Variants in FKTN observed in about 807,000 individuals in gnomAD.
The protein encoded by FKTN is fukutin.
In FKTN, 47 loss-of-function variants were observed where a neutral mutation model predicts 58.6. That is an observed-to-expected ratio of 0.80 (90% CI 0.63 to 1.02). The LOEUF (loss-of-function observed/expected upper bound fraction) is 1.02, where lower values mean the gene tolerates loss of function less well. FKTN is among the 50% of genes least tolerant of loss of function. FKTN has a pLI of 0.00. For synonymous variants in FKTN, 178 were observed against 191.9 expected, an observed-to-expected ratio of 0.93 and a Z score of 0.60; for missense variants, 516 against 537.3, an observed-to-expected ratio of 0.96 and a Z score of 0.39.
chr9:105,561,925 ATT>A (rs199866193), intron 1 of FKTN, among the ~76,000 whole-genome samples: 20 of 142,532 alleles, frequency 1.4e-4, no homozygotes, highest in African/African-American at 2.0e-4. Context: ...AAAAATGTCG[ATT>A]TTTTTTTTTT....
chr9:105,560,585 AC>A (rs1838111511), intron 1 of FKTN, among the ~76,000 whole-genome samples: 1 of 152,122 alleles, frequency 6.6e-6, no homozygotes, highest in Non-Finnish European at 1.5e-5. Flanking sequence ...AATTCTCCCT[AC>A]CCAGAGATAA....
chr9:105,596,363 CTTA>C (rs1016707267), intron 3 of FKTN, among the ~76,000 whole-genome samples: 14 of 152,122 alleles, frequency 9.2e-5, no homozygotes, highest in African/African-American at 3.4e-4. Flanking sequence ...CCATGTCTAC[CTTA>C]TTATTTAATA....
In FKTN at chr9:105,580,062, C is replaced by G. The variant is rs941332075; in HGVS notation, c.105+4925C>G. ...TTTTATTTTGAGCCTATGTGTGTCT[C>G]TGCACGTGAGATGGGTTTCCTGAAT... On this transcript the variant is annotated intron_variant, in intron 3 of 10. Transcript: ENST00000357998. 4.7e-4 allele frequency among the ~76,000 whole-genome samples: 72 copies of G among 151,636 alleles called. 1 individual carries two copies. The highest frequency in any genetic ancestry group is 1.6e-3 in the African/African-American group (67 of 41,008).
rs142565201 is a variant in FKTN at position 105,614,383 on chromosome 9, TTTCA to T, written c.781-886_781-883del. On this transcript the variant is annotated intron_variant, in intron 7 of 10. Transcript: ENST00000357998. The stretch of plus-strand genomic sequence containing the variant: ...CAAGAGAGATTTGTTTATTACATTC[TTTCA>T]TTCATTCAGCAAATACTCAGGCACT... 6.8e-3 allele frequency among the ~76,000 whole-genome samples: 1,038 copies of T among 152,268 alleles called. 17 individuals carry two copies. Among genetic ancestry groups the T allele is most frequent in the African/African-American group, 0.024 (995 of 41,552 alleles).
chr9:105,602,747 A>G (rs1324713268), intron 5 of FKTN, among the ~76,000 whole-genome samples: 1 of 151,622 alleles, frequency 6.6e-6, no homozygotes, highest in Non-Finnish European at 1.5e-5. Context: ...TTTAGTAGGG[A>G]CGGGGTTTCA....
At chr9:105,617,846 CTCTG>C (rs1831100671) in intron 8 of FKTN, 109 bp from the exon 9 acceptor site, 1 of 712,442 alleles carries the variant, frequency 1.4e-6, no homozygotes, top group South Asian at 1.9e-5. Context: ...TATAGTGAGA[CTCTG>C]TCTCTTTAAA....
At chr9:105,603,290 C>A (rs1828227029) in intron 5 of FKTN, among the ~76,000 whole-genome samples, 1 of 152,106 alleles carries the variant, frequency 6.6e-6, no homozygotes, top group African/African-American at 2.4e-5. Flanking sequence ...GGCTACCCTC[C>A]CCCTCAGTCA....
At chr9:105,585,678 A>G (rs1228830466) in intron 3 of FKTN, among the ~76,000 whole-genome samples, 1 of 152,204 alleles carries the variant, frequency 6.6e-6, no homozygotes, top group African/African-American at 2.4e-5. Flanking sequence ...AACTATTGTT[A>G]ACTTTGTTTA....
rs115986664 is a variant in FKTN, at chr9:105,602,173, G to A, written c.369+825G>A. On this transcript the variant is annotated intron_variant, in intron 5 of 10. Transcript: ENST00000357998. ...TCATTGACATGACTATTGTATTCCTGAGAAATAAAAGCTCAGACAATTATA... is the reference window on the plus strand; with the variant it reads ...TCATTGACATGACTATTGTATTCCTAAGAAATAAAAGCTCAGACAATTATA... Among the ~76,000 whole-genome samples, 824 of 152,268 alleles carry A rather than the reference G, an allele frequency of 5.4e-3. 5 individuals are homozygous for A. The highest frequency in any genetic ancestry group is 0.019 in the African/African-American group (786 of 41,544).
At chr9:105,581,592 A>G (rs1842924274) in intron 3 of FKTN, among the ~76,000 whole-genome samples, 2 of 152,026 alleles carry the variant, frequency 1.3e-5, no homozygotes, top group Admixed American at 1.3e-4. Context: ...GGGACATTGA[A>G]GTCTGCAGAG....
At chr9:105,632,760 G>A (rs1833645597) in intron 10 of FKTN, among the ~76,000 whole-genome samples, 1 of 152,158 alleles carries the variant, frequency 6.6e-6, no homozygotes, top group Non-Finnish European at 1.5e-5. Context: ...GAAAATGGAT[G>A]GAAGGATTTT....
At chr9:105,632,198 C>T (rs1305070484) in intron 10 of FKTN, among the ~76,000 whole-genome samples, 5 of 151,338 alleles carry the variant, frequency 3.3e-5, no homozygotes, top group African/African-American at 7.3e-5. Flanking sequence ...TATTCTCACT[C>T]ATAGGTGGGA....
intron 4 of FKTN, among the ~76,000 whole-genome samples, chr9:105,600,208 A>G (rs927157649): frequency 6.6e-6 from 1 of 152,208 alleles, no homozygotes; most frequent in Non-Finnish European, 1.5e-5. Flanking sequence ...ACTAAAAACA[A>G]ATAATGAGAC....
chr9:105,562,604 G>A (rs960405348), intron 1 of FKTN, among the ~76,000 whole-genome samples: 8 of 152,166 alleles, frequency 5.3e-5, no homozygotes, highest in African/African-American at 1.9e-4. Flanking sequence ...TCCTAATCTT[G>A]TAGTCTTTCA....
intron 10 of FKTN, among the ~76,000 whole-genome samples, chr9:105,633,632 T>G (rs1188717013): frequency 1.3e-5 from 2 of 152,242 alleles, no homozygotes; most frequent in African/African-American, 4.8e-5. Context: ...ATTTCTCAGC[T>G]ATGAGATTTT....
At chr9:105,566,058 A>G (rs994108247) in intron 1 of FKTN, among the ~76,000 whole-genome samples, 2 of 152,278 alleles carry the variant, frequency 1.3e-5, no homozygotes, top group African/African-American at 4.8e-5. Flanking sequence ...TACTGGGTAC[A>G]TAACAAAATG....
Position 105,634,969 on chromosome 9 carries a change from C to T in FKTN, c.1173-82C>T. ...TGTGTAATGGGAGAGCACTGTCCTT[C>T]AGCCAATAATGCACTAGCAGCTAGA... On this transcript the variant is annotated intron_variant, in intron 10 of 10. Transcript: ENST00000357998. 3 of 1,093,520 alleles carry T rather than the reference C, an allele frequency of 2.7e-6. No individual in the cohort carries two copies. The Admixed American group carries it at 5.1e-5, about 18-fold the overall frequency. 67.7% of individuals were successfully genotyped at this position (1,093,520 alleles called of 1,614,324 possible).
intron 4 of FKTN, 160 bp downstream of exon 4, chr9:105,596,817 C>G: frequency 1.5e-6 from 1 of 664,134 alleles, no homozygotes; most frequent in Non-Finnish European, 2.7e-6. Context: ...TTACCAAGTG[C>G]TTTATGCAAT....
chr9:105,559,661 G>A (rs1456630857), intron 1 of FKTN, among the ~76,000 whole-genome samples: 1 of 151,444 alleles, frequency 6.6e-6, no homozygotes, highest in East Asian at 1.9e-4. Context: ...TCCGGCCTGG[G>A]CAACAAGAGC....
Sources: gnomAD v4.1 joint callset for allele counts (sites outside exome capture counted in the v4.1 genomes callset) on GRCh38, gnomAD v4.1.1 for gene constraint, MANE v1.5 for transcripts, NCBI Gene and HGNC (gene_info 2026-07-23, HGNC 2026-07-21) for gene names.